IQGAP1: variants seen among roughly 807,000 people sequenced by gnomAD.
IQGAP1 encodes IQ motif containing GTPase activating protein 1, also known as ras GTPase-activating-like protein IQGAP1.
In IQGAP1, 66 loss-of-function variants were observed where a neutral mutation model predicts 215.6. That is an observed-to-expected ratio of 0.31 (90% confidence interval 0.25 to 0.38). The LOEUF is 0.38. Among genes scored for constraint, IQGAP1 ranks in the 10% least tolerant of loss-of-function variants. The probability of loss-of-function intolerance (pLI) is 1.00; values close to 1 mark genes in which losing one functional copy is unlikely to be tolerated. For missense variants in IQGAP1, 1,712 were observed against 1,997.1 expected (o/e 0.86, Z 2.72); for synonymous variants, 772 against 728.7 (o/e 1.06, Z -0.96).
intron 2 of IQGAP1, among the ~76,000 whole-genome samples, chr15:90,423,908 G>T (rs1965183996): frequency 6.6e-6 from 1 of 152,188 alleles, no homozygotes; most frequent in Non-Finnish European, 1.5e-5. Context: ...TCTCAGAAAA[G>T]AGGAAAACCT....
intron 33 of IQGAP1, among the ~76,000 whole-genome samples, chr15:90,490,490 T>A (rs888230951): frequency 6.6e-6 from 1 of 151,862 alleles, no homozygotes; most frequent in African/African-American, 2.4e-5. Context: ...GATGGCAGTA[T>A]CAAGGGAAGG....
chr15:90,458,307 T>C (rs771236021), intron 15 of IQGAP1, among the ~76,000 whole-genome samples: 1 of 152,216 alleles, frequency 6.6e-6, no homozygotes, highest in Non-Finnish European at 1.5e-5. Flanking sequence ...CCACATTTTA[T>C]TTATCCATTC....
intron 9 of IQGAP1, among the ~76,000 whole-genome samples, 159 bp from the exon 10 acceptor site, chr15:90,448,414 T>C (rs994527348): frequency 6.6e-6 from 1 of 152,212 alleles, no homozygotes; most frequent in Non-Finnish European, 1.5e-5. Flanking sequence ...TAAGGTTCTT[T>C]TCCAATCCCA....
At chr15:90,463,233 T>A (rs1965787032) in intron 15 of IQGAP1, among the ~76,000 whole-genome samples, 1 of 152,210 alleles carries the variant, frequency 6.6e-6, no homozygotes, top group African/African-American at 2.4e-5. Context: ...TTTACTTTAA[T>A]CTGCATGGGG....
chr15:90,402,283 C>G (rs1203154092), intron 2 of IQGAP1, among the ~76,000 whole-genome samples: 1 of 152,180 alleles, frequency 6.6e-6, no homozygotes, highest in Non-Finnish European at 1.5e-5. Context: ...TTCCTTCCTA[C>G]CACTTTCTTG....
At chr15:90,418,922 G>A (rs1367434441) in intron 2 of IQGAP1, among the ~76,000 whole-genome samples, 1 of 152,128 alleles carries the variant, frequency 6.6e-6, no homozygotes, top group Non-Finnish European at 1.5e-5. Flanking sequence ...TAAGGCAGGT[G>A]GATGGCTTGA....
chr15:90,489,556 C>T (rs940792355), intron 33 of IQGAP1, among the ~76,000 whole-genome samples: 2 of 152,202 alleles, frequency 1.3e-5, no homozygotes, highest in African/African-American at 4.8e-5. Flanking sequence ...AGCAGGTACT[C>T]TGCTACTCTG....
intron 5 of IQGAP1, among the ~76,000 whole-genome samples, chr15:90,438,934 AG>A (rs999320968): frequency 6.6e-5 from 10 of 152,110 alleles, no homozygotes; most frequent in African/African-American, 1.9e-4. Flanking sequence ...CATGTTGGCC[AG>A]GCTGGTCTCA....
At chr15:90,434,250 A>G (rs1965339919) in intron 5 of IQGAP1, among the ~76,000 whole-genome samples, 1 of 152,182 alleles carries the variant, frequency 6.6e-6, no homozygotes, top group African/African-American at 2.4e-5. Context: ...CAGCCTGGCC[A>G]ACATAGTGAA....
chr15:90,449,176 T>C (rs896579879), intron 10 of IQGAP1, among the ~76,000 whole-genome samples: 3 of 152,116 alleles, frequency 2.0e-5, no homozygotes, highest in Admixed American at 6.5e-5. Context: ...TGGGTTTTTT[T>C]TTTTTAGAAC....
At chr15:90,448,181 C>T (rs553441387) in intron 9 of IQGAP1, among the ~76,000 whole-genome samples, 42 of 152,246 alleles carry the variant, frequency 2.8e-4, no homozygotes, top group African/African-American at 1.0e-3. Flanking sequence ...TAGTAAGTGG[C>T]CACGGGAGAT....
intron 15 of IQGAP1, among the ~76,000 whole-genome samples, chr15:90,464,777 G>A (rs988654997): frequency 5.3e-5 from 8 of 151,894 alleles, no homozygotes; most frequent in Non-Finnish European, 1.0e-4. Flanking sequence ...GCGTGAACCT[G>A]GAAGGCAGAG....
intron 11 of IQGAP1, 126 bp from the exon 12 acceptor site, chr15:90,452,649 A>C: frequency 9.4e-7 from 1 of 1,065,850 alleles, no homozygotes; most frequent in Non-Finnish European, 1.3e-6. Context: ...TTAAAGACGA[A>C]AGTTCCACTT....
intron 23 of IQGAP1, 78 bp downstream of exon 23, chr15:90,474,771 G>C: frequency 8.8e-7 from 1 of 1,138,538 alleles, no homozygotes; most frequent in Non-Finnish European, 1.3e-6. Context: ...TCTGACTGGT[G>C]GGGAGGGTGG....
chr15:90,454,738 T>C (rs1965655177), intron 14 of IQGAP1, among the ~76,000 whole-genome samples, 186 bp downstream of exon 14: 2 of 152,234 alleles, frequency 1.3e-5, no homozygotes, highest in Non-Finnish European at 2.9e-5. Context: ...ATTAGGTATA[T>C]GTCCAGTAAG....
chr15:90,406,573 C>T (rs907676066), intron 2 of IQGAP1, among the ~76,000 whole-genome samples: 5 of 152,286 alleles, frequency 3.3e-5, no homozygotes, highest in South Asian at 4.1e-4. Context: ...AATGAGTTTA[C>T]GTTACGAATC....
intron 2 of IQGAP1, among the ~76,000 whole-genome samples, chr15:90,417,773 GA>G (rs1965074228): frequency 1.3e-5 from 2 of 152,136 alleles, no homozygotes; most frequent in African/African-American, 4.8e-5. Flanking sequence ...GCTTGATGGG[GA>G]TGGCATTAAA....
intron 4 of IQGAP1, 158 bp downstream of exon 4, chr15:90,429,824 T>G (rs1965277647): frequency 4.0e-6 from 2 of 498,518 alleles, no homozygotes; most frequent in Non-Finnish European, 7.1e-6. Context: ...GGAAATAGTT[T>G]TGTTCTTTTT....
chr15:90,427,569 A>G (rs1455107263), intron 3 of IQGAP1, among the ~76,000 whole-genome samples: 1 of 152,058 alleles, frequency 6.6e-6, no homozygotes, highest in Non-Finnish European at 1.5e-5. Context: ...GTGAAACCCC[A>G]TCTCTACTAA....
Sources: allele counts gnomAD v4.1 joint callset (sites outside exome capture counted in the v4.1 genomes callset), GRCh38; gene constraint gnomAD v4.1.1; transcripts MANE v1.5; gene names NCBI Gene and HGNC (gene_info 2026-07-23, HGNC 2026-07-21).